The following ANKMY1 variants were observed in gnomAD, a reference collection of about 807,000 sequenced individuals.
ANKMY1 encodes the protein ankyrin repeat and MYND domain containing 1.
A neutral mutation model predicts 102.0 loss-of-function variants in ANKMY1; 98 were observed. The observed-to-expected ratio is 0.96, with a 90% CI of 0.82 to 1.14. The LOEUF is 1.14. Among genes scored for constraint, ANKMY1 ranks in the 50% most tolerant of loss-of-function variants. ANKMY1 has a pLI of 0.00. For synonymous variants in ANKMY1, 582 were observed against 559.9 expected (o/e 1.04, Z -0.56); for missense variants, 1,330 against 1,347.6 (o/e 0.99, Z 0.20).
At chr2:240,489,251 C>T (rs1166768030) in intron 15 of ANKMY1, among the ~76,000 whole-genome samples, 2 of 151,974 alleles carry the variant, frequency 1.3e-5, no homozygotes, top group South Asian at 2.1e-4. Context: ...GTCAGGAGTT[C>T]GAGACTAGCC....
At chr2:240,511,724 C>T in intron 11 of ANKMY1, 137 bp downstream of exon 11, 1 of 1,173,490 alleles carries the variant, frequency 8.5e-7, no homozygotes, top group East Asian at 3.0e-5. Flanking sequence ...CCTTGCTTCC[C>T]TCCCCATCCT....
Position 240,520,491 on chromosome 2 carries a change from C to T in ANKMY1, c.1875G>A (p.Arg625=), listed in dbSNP as rs144494428. Residue 625 remains arginine (R), a synonymous_variant, in exon 9 of 18, where the codon CGG becomes CGA. Coordinates refer to ENST00000401804, the MANE Select transcript of ANKMY1 (RefSeq NM_001282771.3). The surrounding 1 kb of genome is among the most constrained non-coding windows in gnomAD (Gnocchi z 4.8). ...CGCAGCACAGGTTGGGGTCCGCGCC[C>T]CGGCGCAGCAGCAGCTTGATGGTCC... ...RWRTIKLLLR[R]GADPNLCCVP... 19 of 1,613,294 alleles carry T rather than the reference C, an allele frequency of 1.2e-5. No homozygotes were observed. In the African/African-American group the frequency reaches 2.5e-4, roughly 21 times the overall value.
chr2:240,551,854 CT>C (rs2091587414), intron 4 of ANKMY1, among the ~76,000 whole-genome samples: 1 of 152,138 alleles, frequency 6.6e-6, no homozygotes, highest in African/African-American at 2.4e-5. Context: ...GAAATTGACC[CT>C]TCTGGTCTTA....
chr2:240,537,319 T>C (rs968288165), intron 4 of ANKMY1, among the ~76,000 whole-genome samples: 1 of 152,238 alleles, frequency 6.6e-6, no homozygotes, highest in African/African-American at 2.4e-5. Flanking sequence ...TCGCCTATTG[T>C]CTTCATGTTC....
chr2:240,478,155 C>T (rs1392928384), downstream of ANKMY1, among the ~76,000 whole-genome samples: 1 of 152,170 alleles, frequency 6.6e-6, no homozygotes, highest in Admixed American at 6.5e-5. Context: ...TCCCCTTCTC[C>T]TTCCGCCATG....
intron 4 of ANKMY1, among the ~76,000 whole-genome samples, chr2:240,541,400 T>A (rs1236738187): frequency 6.6e-6 from 1 of 152,194 alleles, no homozygotes; most frequent in Non-Finnish European, 1.5e-5. Flanking sequence ...AGTAAACTGA[T>A]ATTCTTTTGT....
At chr2:240,489,376 G>T (rs997311173) in intron 15 of ANKMY1, among the ~76,000 whole-genome samples, 2 of 151,812 alleles carry the variant, frequency 1.3e-5, no homozygotes, top group African/African-American at 4.8e-5. Context: ...AGAATTGCTT[G>T]AACCTGGGAG....
chr2:240,540,176 C>G lies in ANKMY1; in HGVS notation c.481-10667G>C, dbSNP rs147262669. Among the ~76,000 whole-genome samples, 24 of 152,350 alleles carry G rather than the reference C, an allele frequency of 1.6e-4. No individual in the cohort carries two copies. In the East Asian group the frequency reaches 4.0e-3, roughly 26 times the overall value. On this transcript the variant is annotated intron_variant, in intron 4 of 17. Transcript: ENST00000401804. ...CCTGAATCCACCTATAACCTGTAAG[C>G]CTCCTCTTCCAGACATCCCACCTTT... is the stretch of plus-strand genomic sequence containing the variant.
chr2:240,482,717 A>T (rs1208579381), intron 15 of ANKMY1, among the ~76,000 whole-genome samples: 1 of 152,240 alleles, frequency 6.6e-6, no homozygotes, highest in Non-Finnish European at 1.5e-5. Context: ...TGATCTATAT[A>T]CAGTCTGTCC....
At chr2:240,553,132 C>G (rs947129446) in intron 3 of ANKMY1, 75 bp from the exon 4 acceptor site, 9 of 1,540,606 alleles carry the variant, frequency 5.8e-6, no homozygotes, top group Middle Eastern at 1.8e-4. Flanking sequence ...GCTGAGCCAC[C>G]ATGCCTGGTT....
chr2:240,523,975 G>A lies in ANKMY1; in HGVS notation c.1742C>T (p.Ser581Phe). ...CGAGGCCATCTTCAGCAAGCTGTGG[G>A]ACTGGGCGCTTCTCTCCAGCATGGC... ...SQAMLERSAQSHSLLKMASPS... is the reference protein window; with the variant it reads ...SQAMLERSAQFHSLLKMASPS... The change falls in exon 8 of 18, where the codon TCC (serine) becomes TTC (phenylalanine). Residue 581 changes from serine to phenylalanine, a missense_variant. By Grantham distance (155) the Ser-to-Phe change is radical. Transcript: ENST00000401804. 6.2e-7 allele frequency: 1 copy of A among 1,613,890 alleles called. No individual in the cohort carries two copies. Among genetic ancestry groups the A allele is most frequent in the Non-Finnish European group, 8.5e-7 (1 of 1,180,050 alleles).
chr2:240,549,583 C>A (rs2091127683), intron 4 of ANKMY1, among the ~76,000 whole-genome samples: 1 of 152,096 alleles, frequency 6.6e-6, no homozygotes, highest in South Asian at 2.1e-4. Flanking sequence ...AGGCAACCTA[C>A]AAAATGGGAG....
Position 240,481,510 on chromosome 2 carries a change from G to C in ANKMY1, c.2886-413C>G, listed in dbSNP as rs924888520. ...GGCAGGGCATGGAGGCTGCCTTTGG[G>C]GTGAAACTCTAAGCACCAGTCTCCT... On this transcript the variant is annotated intron_variant, in intron 16 of 17. Transcript: ENST00000401804. Among the ~76,000 whole-genome samples the C allele has an allele frequency of 3.9e-5, 6 of 152,052 alleles. No individual in the cohort carries two copies. In the East Asian group the frequency reaches 5.8e-4, roughly 15 times the overall value.
chr2:240,504,449 C>G (rs1426869557), intron 13 of ANKMY1, among the ~76,000 whole-genome samples: 4 of 151,578 alleles, frequency 2.6e-5, no homozygotes, highest in African/African-American at 9.7e-5. Context: ...GCAAAGGCAA[C>G]AAAAGAAAAA....
At chr2:240,517,043 C>T (rs536374967) in intron 9 of ANKMY1, among the ~76,000 whole-genome samples, 11 of 152,306 alleles carry the variant, frequency 7.2e-5, no homozygotes, top group Admixed American at 3.3e-4. Flanking sequence ...CTCTGTCTTC[C>T]TGACTTCTCC....
At chr2:240,489,794 T>C (rs2076433802) in intron 15 of ANKMY1, among the ~76,000 whole-genome samples, 1 of 152,234 alleles carries the variant, frequency 6.6e-6, no homozygotes, top group Non-Finnish European at 1.5e-5. Flanking sequence ...TTAGGGAGAA[T>C]TCCCTCCTCC....
At chr2:240,493,998 T>C (rs1381605624) in intron 15 of ANKMY1, among the ~76,000 whole-genome samples, 2 of 152,086 alleles carry the variant, frequency 1.3e-5, no homozygotes, top group African/African-American at 4.8e-5. Context: ...ATGAGTTGGG[T>C]GGATCAGTCT....
At chr2:240,500,276 C>T (rs1048741459) in intron 14 of ANKMY1, among the ~76,000 whole-genome samples, 153 bp from the exon 15 acceptor site, 11 of 152,164 alleles carry the variant, frequency 7.2e-5, no homozygotes, top group Admixed American at 6.5e-4. Context: ...CATACAGCTG[C>T]ACCTGGCATG....
rs1464182054 is a variant in ANKMY1 at position 240,555,237 on chromosome 2, C to G, written c.147-182G>C. The G allele has an allele frequency of 2.3e-5, 15 of 639,100 alleles. No homozygotes were observed. The South Asian group carries it at 2.9e-4, about 12-fold the overall frequency. 39.6% of individuals were successfully genotyped at this position (639,100 alleles called of 1,614,324 possible). A position where few individuals can be genotyped will look rare whatever the true frequency, so the allele number is the denominator to read the frequency against. On this transcript the variant is annotated intron_variant, in intron 2 of 17. Coordinates refer to ENST00000401804, the MANE Select transcript of ANKMY1 (RefSeq NM_001282771.3). Reference sequence around the variant, plus strand: ...GAGGCACAGAGGGTGCAGCGATTGCCCAAGGCCACACAGGAAGTGGAATGC... The same window carrying G: ...GAGGCACAGAGGGTGCAGCGATTGCGCAAGGCCACACAGGAAGTGGAATGC...
Sources: allele counts gnomAD v4.1 joint callset (sites outside exome capture counted in the v4.1 genomes callset), GRCh38; gene constraint gnomAD v4.1.1; non-coding constraint Gnocchi (gnomAD v3.1); transcripts MANE v1.5; gene names NCBI Gene and HGNC (gene_info 2026-07-23, HGNC 2026-07-21).